Variants in CDCA3 observed in about 807,000 individuals in gnomAD.
CDCA3 encodes the protein cell division cycle associated 3.
A neutral mutation model predicts 29.1 loss-of-function variants in CDCA3; 16 were observed. The observed-to-expected ratio is 0.55, with a 90% CI of 0.37 to 0.83. CDCA3 has a LOEUF of 0.83. Ranked by LOEUF, CDCA3 falls within the 40% of genes least tolerant of loss-of-function variation. The pLI is 0.00. For synonymous variants in CDCA3, 88 were observed against 124.5 expected (o/e 0.71, Z 1.95); for missense variants, 291 against 327.2 (o/e 0.89, Z 0.85).
downstream of CDCA3, chr12:6,847,016 C>G: frequency 1.5e-6 from 1 of 658,620 alleles, no homozygotes; most frequent in Non-Finnish European, 2.7e-6. Context: ...TAAGCTTTCT[C>G]CTTTGAGGGC....
Position 6,849,211 on chromosome 12 carries a change from G to A in CDCA3, c.652-13C>T. 1.2e-6 allele frequency: 2 copies of A among 1,614,126 alleles called. No homozygotes were observed. The highest frequency in any genetic ancestry group is 1.7e-6 in the Non-Finnish European group (2 of 1,179,960). On this transcript the variant is annotated splice_polypyrimidine_tract_variant and intron_variant, in intron 5 of 5. Coordinates refer to ENST00000538862, the MANE Select transcript of CDCA3 (RefSeq NM_031299.7). This position sits in a 1 kb window ranked among gnomAD's most constrained non-coding sequence, Gnocchi z 5.2. ...AAGGCCGCTTACCCTGAAAACGGCA[G>A]TGTATGAGTTGGGGGGAGTTGCTGT...
At chr12:6,845,995 A>G, downstream of CDCA3, 1 of 587,912 alleles carries the variant, frequency 1.7e-6, no homozygotes, top group Non-Finnish European at 3.1e-6. Context: ...GTGTTGCTCT[A>G]AGCAGCCTCT....
At chr12:6,845,612 C>T (rs760856626), downstream of CDCA3, 9 of 1,612,634 alleles carry the variant, frequency 5.6e-6, no homozygotes, top group Non-Finnish European at 7.6e-6. Flanking sequence ...AGGCCATCTG[C>T]ACGGGCTCGG....
At chr12:6,848,811 G>T, downstream of CDCA3, 1 of 519,060 alleles carries the variant, frequency 1.9e-6, no homozygotes, top group Non-Finnish European at 3.4e-6. Context: ...CAGAAAACTC[G>T]GTGCAAGGTT....
rs1053634078 is a variant in CDCA3, at chr12:6,848,856, C to T, written c.*187G>A. On this transcript the variant is annotated 3_prime_UTR_variant, in exon 6 of 6. Transcript: ENST00000538862. ...CTTTTTAAAGTAACATTTAAAATTA[C>T]TTCCTTTAATATAAAAGAAACACAC... The T allele has an allele frequency of 4.5e-5, 26 of 575,440 alleles. No individual in the cohort carries two copies. The highest frequency in any genetic ancestry group is 3.8e-4 in the African/African-American group (20 of 53,182). 35.6% of individuals were successfully genotyped at this position (575,440 alleles called of 1,614,324 possible).
At chr12:6,847,212 C>A (rs951198182), downstream of CDCA3, 1 of 348,516 alleles carries the variant, frequency 2.9e-6, no homozygotes, top group South Asian at 5.0e-5. Context: ...AGGCCCCAGG[C>A]CCTAGGATTC....
At position 6,850,065 on chromosome 12, in the gene CDCA3, T is replaced by C; in HGVS notation, c.251-207A>G. 3.8e-6 allele frequency: 2 copies of C among 521,580 alleles called. No individual in the cohort carries two copies. The highest frequency in any genetic ancestry group is 3.4e-6 in the Non-Finnish European group (1 of 297,540). The allele number at this position is 521,580 out of a possible 1,614,324, so 32.3% of individuals were successfully genotyped here. A position where few individuals can be genotyped will look rare whatever the true frequency, so the allele number is the denominator to read the frequency against. The stretch of plus-strand genomic sequence containing the variant: ...CCCAGGCTGGAGTGCAGTGGCGTGA[T>C]CACAGTTCACTGCAGCCTTGACCTT... On this transcript the variant is annotated intron_variant, in intron 3 of 5. Coordinates refer to ENST00000538862, the MANE Select transcript of CDCA3 (RefSeq NM_031299.7). The surrounding 1 kb of genome is among the most constrained non-coding windows in gnomAD (Gnocchi z 4.7).
rs781866897 is a variant in CDCA3 at position 6,850,916 on chromosome 12, G to C, written c.37C>G (p.Arg13Gly). 1.2e-6 allele frequency: 2 copies of C among 1,612,594 alleles called. No homozygotes were observed. Among genetic ancestry groups the C allele is most frequent in the Admixed American group, 3.3e-5 (2 of 59,998 alleles). The change falls in exon 2 of 6, where the codon CGG becomes GGG. Residue 13 changes from arginine to glycine, a missense_variant. Coordinates refer to ENST00000538862, the MANE Select transcript of CDCA3 (RefSeq NM_031299.7). This position sits in a 1 kb window ranked among gnomAD's most constrained non-coding sequence, Gnocchi z 4.7. ...SAKSVPVTPA[R>G]PPPHNKHLAR... ...AGATGCTTGTTGTGCGGCGGAGGCCGCGCTGGTGTGACTGGGACGCTCTTG... is the reference window on the plus strand; with the variant it reads ...AGATGCTTGTTGTGCGGCGGAGGCCCCGCTGGTGTGACTGGGACGCTCTTG...
downstream of CDCA3, chr12:6,846,793 C>T (rs781856521): frequency 1.9e-6 from 3 of 1,575,468 alleles, no homozygotes; most frequent in Non-Finnish European, 2.6e-6. Flanking sequence ...CTTCCTCAGG[C>T]ATCCTCTCTG....
In CDCA3 at chr12:6,849,959, C is replaced by A; in HGVS notation, c.251-101G>T. The A allele has an allele frequency of 9.2e-7, 1 of 1,085,640 alleles. No individual in the cohort carries two copies. Among genetic ancestry groups the A allele is most frequent in the Non-Finnish European group, 1.3e-6 (1 of 786,002 alleles). 67.3% of individuals were successfully genotyped at this position (1,085,640 alleles called of 1,614,324 possible). ...CAGGACTCATGCCCAGGAGGGTGAG[C>A]AAGTGGGAAGAGAGAAATCAAGGAA... On this transcript the variant is annotated intron_variant, in intron 3 of 5. Transcript: ENST00000538862. The surrounding 1 kb of genome is among the most constrained non-coding windows in gnomAD (Gnocchi z 5.2).
downstream of CDCA3, chr12:6,845,601 G>A (rs1555124458): frequency 4.3e-6 from 7 of 1,610,912 alleles, 1 homozygote; most frequent in Admixed American, 1.7e-5. Flanking sequence ...CCCCAATGGA[G>A]AGGCCATCTG....
At position 6,848,939 on chromosome 12, in the gene CDCA3, T is replaced by A; in HGVS notation, c.*104A>T. ...TCCCAGTTTGGTAGCTGAGGAGGAG[T>A]CTAAGAAAACAAGCCATTCCTCAGT... On this transcript the variant is annotated 3_prime_UTR_variant, in exon 6 of 6. Coordinates refer to ENST00000538862, the MANE Select transcript of CDCA3 (RefSeq NM_031299.7). 6.4e-6 allele frequency: 4 copies of A among 625,644 alleles called. No individual in the cohort carries two copies. Among genetic ancestry groups the A allele is most frequent in the East Asian group, 2.7e-5 (1 of 36,560 alleles). 38.8% of individuals were successfully genotyped at this position (625,644 alleles called of 1,614,324 possible). A position where few individuals can be genotyped will look rare whatever the true frequency, so the allele number is the denominator to read the frequency against.
At position 6,850,239 on chromosome 12, in the gene CDCA3, A is replaced by C; in HGVS notation, c.250+228T>G. 2 of 566,890 alleles carry C rather than the reference A, an allele frequency of 3.5e-6. No homozygotes were observed. Among genetic ancestry groups the C allele is most frequent in the Non-Finnish European group, 6.2e-6 (2 of 320,404 alleles). 35.1% of individuals were successfully genotyped at this position (566,890 alleles called of 1,614,324 possible). A position where few individuals can be genotyped will look rare whatever the true frequency, so the allele number is the denominator to read the frequency against. Reference sequence around the variant, plus strand: ...TGCCATGTTGCCTAGGCTGGTCTTGAACTCCTGGGCTCAAGCGATCTGACC... The same window carrying C: ...TGCCATGTTGCCTAGGCTGGTCTTGCACTCCTGGGCTCAAGCGATCTGACC... On this transcript the variant is annotated intron_variant, in intron 3 of 5. Transcript: ENST00000538862. This position sits in a 1 kb window ranked among gnomAD's most constrained non-coding sequence, Gnocchi z 4.7.
chr12:6,849,053 A>G lies in CDCA3; in HGVS notation c.797T>C (p.Val266Ala). The G allele has an allele frequency of 3.8e-6, 4 of 1,045,738 alleles. No homozygotes were observed. Among genetic ancestry groups the G allele is most frequent in the Non-Finnish European group, 6.1e-6 (4 of 661,086 alleles). 64.8% of individuals were successfully genotyped at this position (1,045,738 alleles called of 1,614,324 possible). The change falls in exon 6 of 6, where the codon GTG becomes GCG. Residue 266 changes from valine to alanine, a missense_variant. Val to Ala is a moderately conservative substitution (Grantham distance 64). Coordinates refer to ENST00000538862, the MANE Select transcript of CDCA3 (RefSeq NM_031299.7). This position sits in a 1 kb window ranked among gnomAD's most constrained non-coding sequence, Gnocchi z 5.2. ...GGGGCCATGCAGGGCCTAGCTCTCC[A>G]CCAAGGGAAAGTGCTGATTTTCCTT... The part of the protein sequence containing the change: ...HDKENQHFPL[V>A]ES
Position 6,850,722 on chromosome 12 carries a change from G to T in CDCA3, c.120+111C>A. ...CTACCCCACACAGATTGAGATTGCA[G>T]AAAATAAGGCTAGGATAAGGGTGGG... On this transcript the variant is annotated intron_variant, in intron 2 of 5. Transcript: ENST00000538862. This position sits in a 1 kb window ranked among gnomAD's most constrained non-coding sequence, Gnocchi z 4.7. 6.4e-7 allele frequency: 1 copy of T among 1,573,690 alleles called. No individual in the cohort carries two copies. Among genetic ancestry groups the T allele is most frequent in the Non-Finnish European group, 8.7e-7 (1 of 1,153,558 alleles).
Position 6,851,231 on chromosome 12 carries a change from A to G in CDCA3, c.-67T>C, listed in dbSNP as rs917686857. The G allele has an allele frequency of 2.4e-5, 29 of 1,222,918 alleles. No homozygotes were observed. The Admixed American group carries it at 7.0e-4, about 30-fold the overall frequency. 75.8% of individuals were successfully genotyped at this position (1,222,918 alleles called of 1,614,324 possible). On this transcript the variant is annotated 5_prime_UTR_variant, in exon 1 of 6. Transcript: ENST00000538862. ...TATTCAAATCACTTACCGGGCCCCA[A>G]TTCCACCTCTGGATGCACAACAGCT...
At chr12:6,846,708 CCCACACAT>C (rs373734079), downstream of CDCA3, 26 of 740,462 alleles carry the variant, frequency 3.5e-5, no homozygotes, top group Non-Finnish European at 5.2e-5. Context: ...CACCCACACA[CCCACACAT>C]ACACTTACAC....
downstream of CDCA3, chr12:6,846,050 G>A: frequency 1.9e-6 from 1 of 517,836 alleles, no homozygotes; most frequent in Non-Finnish European, 3.5e-6. Flanking sequence ...TAGGAGATCT[G>A]TGGACCATGA....
chr12:6,847,228 C>G, downstream of CDCA3: 1 of 331,158 alleles, frequency 3.0e-6, no homozygotes. Context: ...GATTCCTCCC[C>G]CAGAGCCACT....
Sources: gnomAD v4.1 joint callset for allele counts on GRCh38, gnomAD v4.1.1 for gene constraint, Gnocchi (gnomAD v3.1) non-coding constraint, MANE v1.5 for transcripts, NCBI Gene and HGNC (gene_info 2026-07-23, HGNC 2026-07-21) for gene names.